Variants in AJAP1 observed in about 807,000 individuals in gnomAD.
AJAP1 encodes adherens junction-associated protein 1.
AJAP1 carries 5 observed loss-of-function variants against 35.0 expected under a neutral mutation model. The ratio of observed to expected loss-of-function variants is 0.14; its 90% CI spans 0.07 to 0.30. The LOEUF (loss-of-function observed/expected upper bound fraction) is 0.30. Among genes scored for constraint, AJAP1 ranks in the 10% least tolerant of loss-of-function variants. The pLI is 1.00. For missense variants in AJAP1, 586 were observed against 571.0 expected (o/e 1.03, Z -0.27); for synonymous variants, 284 against 249.3 (o/e 1.14, Z -1.31).
chr1:4,771,090 C>T (rs1641824170), intron 3 of AJAP1, among the ~76,000 whole-genome samples: 1 of 152,178 alleles, frequency 6.6e-6, no homozygotes, highest in African/African-American at 2.4e-5. Flanking sequence ...ACTTTGTAGC[C>T]TGTTCTGTGA....
chr1:4,692,513 G>T lies in AJAP1; in HGVS notation c.30-19387G>T, dbSNP rs1639766214. On this transcript the variant is annotated intron_variant, in intron 1 of 5. Coordinates refer to ENST00000378191, the MANE Select transcript of AJAP1 (RefSeq NM_018836.4). This position sits in a 1 kb window ranked among gnomAD's most constrained non-coding sequence, Gnocchi z 4.4. ...CCAAATTCCCCACCCCAGGCATCCG[G>T]GAGGAACTTCCTGGGAAAAGAGAAA... 6.6e-6 allele frequency among the ~76,000 whole-genome samples: 1 copy of T among 152,226 alleles called. No individual in the cohort carries two copies. Among genetic ancestry groups the T allele is most frequent in the South Asian group, 2.1e-4 (1 of 4,830 alleles).
chr1:4,665,568 C>T (rs11588169), intron 1 of AJAP1, among the ~76,000 whole-genome samples: 7,948 of 152,282 alleles, frequency 0.052, 453 homozygotes, highest in Admixed American at 0.16. Context: ...GCTCTCACCC[C>T]GACGGTCCCT....
chr1:4,739,975 CACG>C (rs1641019765), intron 2 of AJAP1, among the ~76,000 whole-genome samples: 1 of 152,180 alleles, frequency 6.6e-6, no homozygotes. Context: ...CCGTCCAGCT[CACG>C]ACACCTCTCA....
At chr1:4,705,894 G>A (rs752046900) in intron 1 of AJAP1, among the ~76,000 whole-genome samples, 28 of 152,248 alleles carry the variant, frequency 1.8e-4, no homozygotes, top group Non-Finnish European at 3.4e-4. Context: ...AACTGGAGAA[G>A]TCCAAGCCAC....
chr1:4,708,058 C>T (rs1218565797), intron 1 of AJAP1, among the ~76,000 whole-genome samples: 1 of 150,952 alleles, frequency 6.6e-6, no homozygotes, highest in African/African-American at 2.4e-5. Context: ...ACCTCCGCCT[C>T]CTGGGTTCAA....
chr1:4,728,071 C>A (rs1640712056), intron 2 of AJAP1, among the ~76,000 whole-genome samples: 1 of 152,190 alleles, frequency 6.6e-6, no homozygotes, highest in Non-Finnish European at 1.5e-5. Flanking sequence ...ACAGAACTCG[C>A]CCACAGAACC....
At chr1:4,690,562 C>G (rs888324570) in intron 1 of AJAP1, among the ~76,000 whole-genome samples, 2 of 152,324 alleles carry the variant, frequency 1.3e-5, no homozygotes, top group Admixed American at 6.5e-5. Context: ...CTGCCCCTGT[C>G]TGGGAGAAAC....
At chr1:4,675,288 T>C (rs991262433) in intron 1 of AJAP1, among the ~76,000 whole-genome samples, 2 of 152,074 alleles carry the variant, frequency 1.3e-5, no homozygotes, top group African/African-American at 4.8e-5. Context: ...ACAGTAATGG[T>C]TTATTAAAAG....
In AJAP1 at chr1:4,767,676, CCAT is replaced by C. The variant is rs555544989; in HGVS notation, c.830-2168_830-2166del. On this transcript the variant is annotated intron_variant, in intron 2 of 5. Coordinates refer to ENST00000378191, the MANE Select transcript of AJAP1 (RefSeq NM_018836.4). ...ACCATCATCATCACTATTATCATCA[CCAT>C]CATCATCACCATCACCATCATTATC... 2.6e-5 allele frequency among the ~76,000 whole-genome samples: 4 copies of C among 152,114 alleles called. No individual in the cohort carries two copies. In the East Asian group the frequency reaches 7.8e-4, roughly 29 times the overall value.
At chr1:4,716,948 A>G (rs1216091175) in intron 2 of AJAP1, among the ~76,000 whole-genome samples, 2 of 152,160 alleles carry the variant, frequency 1.3e-5, no homozygotes, top group Non-Finnish European at 2.9e-5. Flanking sequence ...ATGGAAAATC[A>G]CCTGGCACAG....
rs1296972746 is a variant in AJAP1, at chr1:4,720,505, C to T, written c.829+7806C>T. 6.6e-6 allele frequency among the ~76,000 whole-genome samples: 1 copy of T among 152,204 alleles called. No homozygotes were observed. Among genetic ancestry groups the T allele is most frequent in the Non-Finnish European group, 1.5e-5 (1 of 68,036 alleles). The stretch of plus-strand genomic sequence containing the variant: ...CACCTTGGCTCAGATGGACCCAGGC[C>T]ATGGCTGCAGGTGTCCTTGGCTCCA... On this transcript the variant is annotated intron_variant, in intron 2 of 5. Coordinates refer to ENST00000378191, the MANE Select transcript of AJAP1 (RefSeq NM_018836.4). The surrounding 1 kb of genome is among the most constrained non-coding windows in gnomAD (Gnocchi z 4.4).
rs953566861 is a variant in AJAP1 at position 4,787,526 on chromosome 1, T to G, written c.*5041T>G. ...ATAAAATGCAGTGCAGCACTGAAGA[T>G]AAGACATCGCAGTTGTTACGACGCC... is the stretch of plus-strand genomic sequence containing the variant. On this transcript the variant is annotated 3_prime_UTR_variant, in exon 6 of 6. Transcript: ENST00000378191. The G allele has an allele frequency of 3.2e-5, 12 of 376,256 alleles. No individual in the cohort carries two copies. Among genetic ancestry groups the G allele is most frequent in the African/African-American group, 2.3e-4 (11 of 47,674 alleles). 23.3% of individuals were successfully genotyped at this position (376,256 alleles called of 1,614,324 possible).
intron 1 of AJAP1, among the ~76,000 whole-genome samples, chr1:4,691,924 G>C (rs1384643775): frequency 6.6e-6 from 1 of 152,146 alleles, no homozygotes; most frequent in Non-Finnish European, 1.5e-5. Flanking sequence ...GGAGTGTCAG[G>C]GACCTGCAGA....
intron 1 of AJAP1, among the ~76,000 whole-genome samples, chr1:4,687,603 G>C (rs16839462): frequency 0.17 from 25,610 of 152,144 alleles, 2,709 homozygotes; most frequent in South Asian, 0.33. Flanking sequence ...GGCTACGGCT[G>C]CTTTAGGAAA....
intron 1 of AJAP1, among the ~76,000 whole-genome samples, chr1:4,684,429 G>T (rs978336404): frequency 6.6e-6 from 1 of 152,126 alleles, no homozygotes. Context: ...ACCATCATGG[G>T]CTACAGGAAG....
At chr1:4,745,822 C>T (rs995381295) in intron 2 of AJAP1, among the ~76,000 whole-genome samples, 1 of 152,076 alleles carries the variant, frequency 6.6e-6, no homozygotes, top group African/African-American at 2.4e-5. Context: ...TTGCTGGGGG[C>T]GAGTCGACTG....
At chr1:4,681,287 C>T (rs1381365545) in intron 1 of AJAP1, among the ~76,000 whole-genome samples, 4 of 152,202 alleles carry the variant, frequency 2.6e-5, no homozygotes, top group Non-Finnish European at 4.4e-5. Context: ...TGCAAAATTG[C>T]CACAGACTGC....
chr1:4,676,880 G>C (rs986689553), intron 1 of AJAP1, among the ~76,000 whole-genome samples: 4 of 152,262 alleles, frequency 2.6e-5, no homozygotes, highest in Non-Finnish European at 5.9e-5. Flanking sequence ...AAAATGGCCA[G>C]GGGCCGTGGC....
At chr1:4,731,987 A>T (rs1418373154) in intron 2 of AJAP1, among the ~76,000 whole-genome samples, 1 of 152,214 alleles carries the variant, frequency 6.6e-6, no homozygotes, top group Non-Finnish European at 1.5e-5. Context: ...TAAAGGCAGC[A>T]GCCTTAGGGA....
Sources: gnomAD v4.1 joint callset for allele counts (sites outside exome capture counted in the v4.1 genomes callset) on GRCh38, gnomAD v4.1.1 for gene constraint, Gnocchi (gnomAD v3.1) non-coding constraint, MANE v1.5 for transcripts, NCBI Gene and HGNC (gene_info 2026-07-23, HGNC 2026-07-21) for gene names.